NSMCE2: variants seen among roughly 807,000 people sequenced by gnomAD.
NSMCE2 encodes NSE2 SUMO ligase component of SMC5/6 complex, also known as E3 SUMO-protein ligase NSE2.
In NSMCE2, 24 loss-of-function variants were observed where a neutral mutation model predicts 23.8. The observed-to-expected ratio is 1.01, with a 90% CI of 0.73 to 1.42. The LOEUF (loss-of-function observed/expected upper bound fraction) is 1.42, where lower values mean the gene tolerates loss of function less well. Among genes scored for constraint, NSMCE2 ranks in the 40% most tolerant of loss-of-function variants. NSMCE2 has a pLI of 0.00. For missense variants in NSMCE2, 284 were observed against 296.5 expected, an observed-to-expected ratio of 0.96 and a Z score of 0.31; for synonymous variants, 92 against 94.1, an observed-to-expected ratio of 0.98 and a Z score of 0.13.
intron 3 of NSMCE2, among the ~76,000 whole-genome samples, chr8:125,134,792 A>G (rs112715086): frequency 0.02 from 2,827 of 143,774 alleles, 82 homozygotes; most frequent in African/African-American, 0.071. Context: ...CAGTGGCATG[A>G]TCATAGCTCA....
At chr8:125,297,045 C>T (rs1318742561) in intron 5 of NSMCE2, among the ~76,000 whole-genome samples, 1 of 152,130 alleles carries the variant, frequency 6.6e-6, no homozygotes, top group African/African-American at 2.4e-5. Context: ...GTCACTTATT[C>T]AATTAAATTG....
intron 3 of NSMCE2, among the ~76,000 whole-genome samples, chr8:125,150,555 G>C (rs2130675296): frequency 6.9e-6 from 1 of 144,554 alleles, no homozygotes; most frequent in African/African-American, 2.6e-5. Context: ...GCTAATTTCT[G>C]TATTTTAATA....
rs1420147186 is a variant in NSMCE2, at chr8:125,102,488, G to A, written c.157+1G>A. 8 of 1,612,748 alleles carry A rather than the reference G, an allele frequency of 5.0e-6. No individual in the cohort carries two copies. Among genetic ancestry groups the A allele is most frequent in the East Asian group, 2.2e-5 (1 of 44,868 alleles). On this transcript the variant is annotated splice_donor_variant, in intron 3 of 7. Transcript: ENST00000287437. LOFTEE classifies it high-confidence loss of function. ...GCTTTGGATCTTGTGGAAAGTCAGA[G>A]TAAGTAAAATTAAAACCTCTTTTGT...
chr8:125,091,979 G>C (rs1189985139), intron 1 of NSMCE2, 21 bp downstream of exon 1: 3 of 152,400 alleles, frequency 2.0e-5, no homozygotes, highest in Admixed American at 2.0e-4. Context: ...AGCGGGGGAC[G>C]GCAATGGGGA....
At chr8:125,327,346 T>A (rs1003106915) in intron 5 of NSMCE2, among the ~76,000 whole-genome samples, 1 of 151,896 alleles carries the variant, frequency 6.6e-6, no homozygotes, top group Non-Finnish European at 1.5e-5. Context: ...GAATGTAGTA[T>A]AATTACCAAT....
intron 5 of NSMCE2, among the ~76,000 whole-genome samples, chr8:125,242,866 C>T (rs1293237652): frequency 6.6e-6 from 1 of 152,200 alleles, no homozygotes; most frequent in African/African-American, 2.4e-5. Flanking sequence ...ACAGTGCTAG[C>T]TGCCTGTGGG....
intron 5 of NSMCE2, among the ~76,000 whole-genome samples, chr8:125,316,747 C>T (rs1829218814): frequency 7.1e-6 from 1 of 140,328 alleles, no homozygotes; most frequent in Non-Finnish European, 1.5e-5. Flanking sequence ...TTCCTTCCTT[C>T]CTTCCTTCCT....
intron 4 of NSMCE2, among the ~76,000 whole-genome samples, chr8:125,180,110 A>G (rs1167848721): frequency 1.3e-5 from 2 of 152,214 alleles, no homozygotes; most frequent in African/African-American, 4.8e-5. Context: ...TTCATGCTAC[A>G]ATTTTGAACT....
intron 5 of NSMCE2, among the ~76,000 whole-genome samples, chr8:125,289,200 G>T (rs1258919125): frequency 6.6e-6 from 1 of 152,148 alleles, no homozygotes; most frequent in African/African-American, 2.4e-5. Context: ...TTACTTCCTA[G>T]AGTAATCAGA....
At chr8:125,353,566 C>G (rs539111554) in intron 5 of NSMCE2, among the ~76,000 whole-genome samples, 1 of 152,296 alleles carries the variant, frequency 6.6e-6, no homozygotes, top group East Asian at 1.9e-4. Flanking sequence ...AGCAAACATA[C>G]TATAATATGG....
intron 3 of NSMCE2, among the ~76,000 whole-genome samples, chr8:125,130,850 A>G (rs2130561080): frequency 6.6e-6 from 1 of 152,248 alleles, no homozygotes; most frequent in East Asian, 1.9e-4. Context: ...AACATTAAGA[A>G]ACTGGACTCC....
At chr8:125,170,499 C>T (rs987824071) in intron 4 of NSMCE2, among the ~76,000 whole-genome samples, 20 of 144,964 alleles carry the variant, frequency 1.4e-4, no homozygotes, top group African/African-American at 4.1e-4. Context: ...CTCCACCTCC[C>T]GGGTTCAGGA....
At chr8:125,329,745 A>G (rs967250061) in intron 5 of NSMCE2, among the ~76,000 whole-genome samples, 4 of 152,088 alleles carry the variant, frequency 2.6e-5, no homozygotes, top group Admixed American at 1.3e-4. Flanking sequence ...ACCTCTCTGG[A>G]CCTCGGTTTC....
In NSMCE2 at chr8:125,099,844, G is replaced by A. The variant is rs545980448; in HGVS notation, c.-110-2207G>A. Among the ~76,000 whole-genome samples, 8 of 152,244 alleles carry A rather than the reference G, an allele frequency of 5.3e-5. No individual in the cohort carries two copies. In the South Asian group the frequency reaches 1.7e-3, roughly 32 times the overall value. ...GAGAAATGGGGCTGGTAACCAGAGG[G>A]GTAAGTGGGAGGAAAGTCGGAGGAT... On this transcript the variant is annotated intron_variant, in intron 1 of 7. Transcript: ENST00000287437.
chr8:125,354,234 G>A (rs1382350836), intron 5 of NSMCE2, among the ~76,000 whole-genome samples: 1 of 152,042 alleles, frequency 6.6e-6, no homozygotes, highest in Non-Finnish European at 1.5e-5. Flanking sequence ...ACCCAACCTT[G>A]CTGTCAAAAT....
chr8:125,137,653 T>C (rs899074966), intron 3 of NSMCE2, among the ~76,000 whole-genome samples: 1 of 152,216 alleles, frequency 6.6e-6, no homozygotes, highest in African/African-American at 2.4e-5. Context: ...AAGAGCGAAT[T>C]TGACAAAGTC....
chr8:125,180,911 C>T (rs1822772857), intron 4 of NSMCE2, among the ~76,000 whole-genome samples: 1 of 152,092 alleles, frequency 6.6e-6, no homozygotes, highest in Non-Finnish European at 1.5e-5. Flanking sequence ...CTGGTAATAC[C>T]GTGATAAATC....
intron 3 of NSMCE2, among the ~76,000 whole-genome samples, chr8:125,147,224 A>G (rs1820737728): frequency 6.6e-6 from 1 of 152,238 alleles, no homozygotes; most frequent in Admixed American, 6.5e-5. Context: ...AAAATATAAA[A>G]TAGGCAAGTG....
At chr8:125,334,966 C>A (rs1472390606) in intron 5 of NSMCE2, among the ~76,000 whole-genome samples, 1 of 151,490 alleles carries the variant, frequency 6.6e-6, no homozygotes, top group South Asian at 2.1e-4. Flanking sequence ...ATGTTGCCCA[C>A]GCTCATCTCA....
Sources: allele counts gnomAD v4.1 joint callset (sites outside exome capture counted in the v4.1 genomes callset), GRCh38; gene constraint gnomAD v4.1.1; transcripts MANE v1.5; gene names NCBI Gene and HGNC (gene_info 2026-07-23, HGNC 2026-07-21).